The following PTPN23 variants were observed in gnomAD, a reference collection of about 807,000 sequenced individuals.
PTPN23 encodes protein tyrosine phosphatase non-receptor type 23, also known as tyrosine-protein phosphatase non-receptor type 23.
Under a neutral mutation model 156.3 loss-of-function variants are expected in PTPN23, and 72 were observed. That is an observed-to-expected ratio of 0.46 (90% CI 0.38 to 0.56). The LOEUF (loss-of-function observed/expected upper bound fraction) is 0.56. Ranked by LOEUF, PTPN23 falls within the 20% of genes least tolerant of loss-of-function variation. PTPN23 has a pLI of 0.00. For synonymous variants in PTPN23, 957 were observed against 899.6 expected, an observed-to-expected ratio of 1.06 and a Z score of -1.14; for missense variants, 1,974 against 2,171.5, an observed-to-expected ratio of 0.91 and a Z score of 1.81.
In PTPN23 at chr3:47,412,913, C is replaced by A. The variant is rs748417542; in HGVS notation, c.4639C>A (p.Pro1547Thr). 8.7e-6 allele frequency: 14 copies of A among 1,603,112 alleles called. No individual in the cohort carries two copies. The highest frequency in any genetic ancestry group is 2.2e-5 in the East Asian group (1 of 44,448). Residue 1547 changes from proline (P) to threonine (T), a missense_variant, in exon 25 of 25, where the codon CCC (proline) becomes ACC (threonine). By Grantham distance (38) the Pro-to-Thr change is conservative. Transcript: ENST00000265562. ...CCCAATCCCATCTTCCTCCCCGCCC[C>A]CCCTTTCCTCCCCACTACCTGAGGC... ...STPIPSSSPP[P>T]LSSPLPEAPQ...
chr3:47,382,465 G>A (rs954719830), intron 1 of PTPN23, among the ~76,000 whole-genome samples: 1 of 151,600 alleles, frequency 6.6e-6, no homozygotes, highest in African/African-American at 2.4e-5. Flanking sequence ...GGAATTACAG[G>A]CATGCGCCAC....
Position 47,411,739 on chromosome 3 carries a change from G to A in PTPN23, c.3889-44G>A. On this transcript the variant is annotated intron_variant, in intron 20 of 24. Transcript: ENST00000265562. This position sits in a 1 kb window ranked among gnomAD's most constrained non-coding sequence, Gnocchi z 6.3. Reference sequence around the variant, plus strand: ...GGGCAGTGTGGGGTGGCAGGGCAGGGGATCCTGGAAAACCAGGTCTGTCTT... The same window carrying A: ...GGGCAGTGTGGGGTGGCAGGGCAGGAGATCCTGGAAAACCAGGTCTGTCTT... The A allele has an allele frequency of 2.5e-6, 4 of 1,592,568 alleles. No individual in the cohort carries two copies. The highest frequency in any genetic ancestry group is 3.4e-6 in the Non-Finnish European group (4 of 1,165,780).
chr3:47,407,576 C>T lies in PTPN23; in HGVS notation c.995C>T (p.Pro332Leu). 4.3e-6 allele frequency: 7 copies of T among 1,613,556 alleles called. No homozygotes were observed. The highest frequency in any genetic ancestry group is 5.9e-6 in the Non-Finnish European group (7 of 1,179,526). The change falls in exon 12 of 25, where the codon CCT becomes CTT. Residue 332 changes from proline to leucine, a missense_variant. This residue lies in a region of PTPN23 where 726 missense variants were observed against 929.5 expected (regional missense o/e 0.78). Coordinates refer to ENST00000265562, the MANE Select transcript of PTPN23 (RefSeq NM_015466.4). The surrounding 1 kb of genome is among the most constrained non-coding windows in gnomAD (Gnocchi z 4.0). ...GTCCCAGCATTGGACACTCTTCAGC[C>T]TGTAAAAGGTCGGGGAGCTGAGAGG... Reference protein sequence around the residue: ...EAVPALDTLQPVKGAPLVKPL... With the variant: ...EAVPALDTLQLVKGAPLVKPL...
In PTPN23 at chr3:47,406,661, C is replaced by T. The variant is rs965396736; in HGVS notation, c.760-42C>T. 7.4e-6 allele frequency: 12 copies of T among 1,613,828 alleles called. No individual in the cohort carries two copies. The highest frequency in any genetic ancestry group is 4.5e-5 in the East Asian group (2 of 44,896). On this transcript the variant is annotated intron_variant, in intron 8 of 24. Transcript: ENST00000265562. This position sits in a 1 kb window ranked among gnomAD's most constrained non-coding sequence, Gnocchi z 5.8. ...GGGGCAGGGCGGGGCTGAGTGGCCA[C>T]AGCTCAGGAAGCAAGTCGTGGCGTC...
Position 47,411,353 on chromosome 3 carries a change from G to A in PTPN23, c.3555G>A (p.Leu1185=), listed in dbSNP as rs1307352033. 2 of 1,612,794 alleles carry A rather than the reference G, an allele frequency of 1.2e-6. No homozygotes were observed. The highest frequency in any genetic ancestry group is 2.2e-5 in the East Asian group (1 of 44,886). ...QQELEAFRGQ[L]GDVGALDTVW... is the part of the protein sequence containing the mutation. ...AGCTGGAGGCCTTTCGGGGTCAGCT[G>A]GGGGATGTGGGAGCTCTGGACACTG... Residue 1185 remains leucine (L), a synonymous_variant, in exon 20 of 25, where the codon CTG becomes CTA. Coordinates refer to ENST00000265562, the MANE Select transcript of PTPN23 (RefSeq NM_015466.4). This position sits in a 1 kb window ranked among gnomAD's most constrained non-coding sequence, Gnocchi z 6.3.
At position 47,412,936 on chromosome 3, in the gene PTPN23, G is replaced by C. The variant is rs1206934060; in HGVS notation, c.4662G>C (p.Glu1554Asp). The change falls in exon 25 of 25, where the codon GAG becomes GAC. Residue 1554 changes from glutamate (E) to aspartate (D), a missense_variant. Transcript: ENST00000265562. ...CCCCCCTTTCCTCCCCACTACCTGAGGCTCCCCAGCCTAAGGAGGAGCCGC... is the reference window on the plus strand; with the variant it reads ...CCCCCCTTTCCTCCCCACTACCTGACGCTCCCCAGCCTAAGGAGGAGCCGC... ...SPPPLSSPLP[E>D]APQPKEEPPV... is the part of the protein sequence containing the mutation. 6.3e-7 allele frequency: 1 copy of C among 1,589,074 alleles called. No individual in the cohort carries two copies. Among genetic ancestry groups the C allele is most frequent in the Non-Finnish European group, 8.6e-7 (1 of 1,167,944 alleles).
Position 47,409,307 on chromosome 3 carries a change from C to T in PTPN23, c.1787C>T (p.Ser596Leu). The change falls in exon 17 of 25, where the codon TCA becomes TTA. Residue 596 changes from serine (S) to leucine (L), a missense_variant. Around this residue, in one of 4 missense-constraint regions of PTPN23, gnomAD observed 726 missense variants for 929.5 expected, o/e 0.78. Coordinates refer to ENST00000265562, the MANE Select transcript of PTPN23 (RefSeq NM_015466.4). ...GCCTCGCTGGTCACCACAGACCACTCAGAGATGAAGGTGGGCTGGGTGAGC... is the reference window on the plus strand; with the variant it reads ...GCCTCGCTGGTCACCACAGACCACTTAGAGATGAAGGTGGGCTGGGTGAGC... Reference protein sequence around the residue: ...ITASLVTTDHSEMKKLFEEQL... With the variant: ...ITASLVTTDHLEMKKLFEEQL... The T allele has an allele frequency of 6.2e-7, 1 of 1,614,042 alleles. No homozygotes were observed. Among genetic ancestry groups the T allele is most frequent in the Non-Finnish European group, 8.5e-7 (1 of 1,179,996 alleles).
intron 1 of PTPN23, among the ~76,000 whole-genome samples, chr3:47,395,310 G>C (rs2107702089): frequency 6.6e-6 from 1 of 152,336 alleles, no homozygotes; most frequent in Admixed American, 6.5e-5. Flanking sequence ...CCTGTGAGGT[G>C]GGTATCAGTG....
chr3:47,406,033 T>C lies in PTPN23; in HGVS notation c.533T>C (p.Val178Ala). The C allele has an allele frequency of 1.9e-6, 3 of 1,612,884 alleles. No homozygotes were observed. Among genetic ancestry groups the C allele is most frequent in the Non-Finnish European group, 2.5e-6 (3 of 1,179,694 alleles). ...AGCCGCCAGATCCTTACGCTCAACGTCAACCTCATGCTGGTGAGGAGGCGC... is the reference window on the plus strand; with the variant it reads ...AGCCGCCAGATCCTTACGCTCAACGCCAACCTCATGCTGGTGAGGAGGCGC... ...DMSRQILTLN[V>A]NLMLGQAQEC... Residue 178 changes from valine (V) to alanine (A), a missense_variant, in exon 6 of 25, where the codon GTC becomes GCC. Around this residue, in one of 4 missense-constraint regions of PTPN23, gnomAD observed 726 missense variants for 929.5 expected, o/e 0.78. Transcript: ENST00000265562. This position sits in a 1 kb window ranked among gnomAD's most constrained non-coding sequence, Gnocchi z 5.8.
At chr3:47,393,986 C>G (rs1704827684) in intron 1 of PTPN23, among the ~76,000 whole-genome samples, 1 of 151,726 alleles carries the variant, frequency 6.6e-6, no homozygotes, top group Admixed American at 6.6e-5. Context: ...CTCAACAGTC[C>G]TCTGACCTCA....
rs1046067678 is a variant in PTPN23 at position 47,409,688 on chromosome 3, G to A, written c.1983G>A (p.Ser661=). The A allele has an allele frequency of 2.7e-5, 44 of 1,609,952 alleles. No individual in the cohort carries two copies. The highest frequency in any genetic ancestry group is 4.5e-5 in the East Asian group (2 of 44,878). ...WNSTLQTLVA[S]YEAYEDLMKK... ...CCACGCTGCAGACCCTGGTGGCCTC[G>A]TATGAAGCCTATGAGGACCTGATGA... The change falls in exon 19 of 25, where the codon TCG becomes TCA. Residue 661 remains serine, a synonymous_variant. Transcript: ENST00000265562.
intron 1 of PTPN23, among the ~76,000 whole-genome samples, chr3:47,384,518 G>A (rs1362214930): frequency 6.6e-6 from 1 of 151,776 alleles, no homozygotes; most frequent in Non-Finnish European, 1.5e-5. Flanking sequence ...AGCCTGAGGA[G>A]GGGCCATCAG....
intron 1 of PTPN23, among the ~76,000 whole-genome samples, chr3:47,391,548 G>T (rs1313754675): frequency 6.6e-6 from 1 of 152,206 alleles, no homozygotes; most frequent in Non-Finnish European, 1.5e-5. Flanking sequence ...ATCTGCTGCT[G>T]ATCTTATAGG....
chr3:47,407,269 G>C lies in PTPN23; in HGVS notation c.865-40G>C. 6.2e-7 allele frequency: 1 copy of C among 1,613,598 alleles called. No individual in the cohort carries two copies. The highest frequency in any genetic ancestry group is 8.5e-7 in the Non-Finnish European group (1 of 1,179,644). ...GAGGGGGTGTCCTGGTGCCAGCCTTGGTTAGTGCTAAGGCCCCACCCCTGT... is the reference window on the plus strand; with the variant it reads ...GAGGGGGTGTCCTGGTGCCAGCCTTCGTTAGTGCTAAGGCCCCACCCCTGT... On this transcript the variant is annotated intron_variant, in intron 10 of 24. Coordinates refer to ENST00000265562, the MANE Select transcript of PTPN23 (RefSeq NM_015466.4). The surrounding 1 kb of genome is among the most constrained non-coding windows in gnomAD (Gnocchi z 4.0).
At chr3:47,383,997 T>C (rs1206124127) in intron 1 of PTPN23, among the ~76,000 whole-genome samples, 1 of 152,170 alleles carries the variant, frequency 6.6e-6, no homozygotes, top group Non-Finnish European at 1.5e-5. Context: ...TGCCAGTGAA[T>C]TGGAGCTGAG....
chr3:47,403,457 T>C (rs1705047819), intron 2 of PTPN23, among the ~76,000 whole-genome samples: 1 of 152,160 alleles, frequency 6.6e-6, no homozygotes, highest in African/African-American at 2.4e-5. Flanking sequence ...GCATATTCTC[T>C]TGTGAGGCGC....
At chr3:47,383,477 C>A (rs1400865124) in intron 1 of PTPN23, among the ~76,000 whole-genome samples, 2 of 152,078 alleles carry the variant, frequency 1.3e-5, no homozygotes, top group African/African-American at 4.8e-5. Context: ...GTGTTTTAAC[C>A]CCCCTGTTCA....
At chr3:47,408,230 T>A in intron 14 of PTPN23, 115 bp from the exon 15 acceptor site, 3 of 1,435,694 alleles carry the variant, frequency 2.1e-6, no homozygotes, top group Non-Finnish European at 2.9e-6. Flanking sequence ...GAGGTCACAA[T>A]TTGCTCTCTG....
In PTPN23 at chr3:47,385,301, T is replaced by TA. The variant is rs552527074; in HGVS notation, c.84+4122dup. ...GTCCAGCTTACTTGGACTGAGCTGT[T>TA]ACGTTCATCCCTGATTCATTCATTG... On this transcript the variant is annotated intron_variant, in intron 1 of 24. Coordinates refer to ENST00000265562, the MANE Select transcript of PTPN23 (RefSeq NM_015466.4). 4.3e-4 allele frequency among the ~76,000 whole-genome samples: 66 copies of TA among 152,328 alleles called. No homozygotes were observed. The Middle Eastern group carries it at 0.014, about 31-fold the overall frequency.
Sources: allele counts gnomAD v4.1 joint callset (sites outside exome capture counted in the v4.1 genomes callset), GRCh38; gene constraint gnomAD v4.1.1; regional missense constraint gnomAD v4.1.1; non-coding constraint Gnocchi (gnomAD v3.1); transcripts MANE v1.5; gene names NCBI Gene and HGNC (gene_info 2026-07-23, HGNC 2026-07-21).